Variants in MAP2 observed in about 807,000 individuals in gnomAD.
MAP2 encodes the protein microtubule associated protein 2.
In MAP2, 14 loss-of-function variants were observed where a neutral mutation model predicts 137.6. The observed-to-expected ratio is 0.10, with a 90% CI of 0.07 to 0.16. The LOEUF is 0.16. Ranked by LOEUF, MAP2 falls within the 10% of genes least tolerant of loss-of-function variation. MAP2 has a pLI of 1.00. For synonymous variants in MAP2, 786 were observed against 782.3 expected, an observed-to-expected ratio of 1.00 and a Z score of -0.08; for missense variants, 2,088 against 2,191.5, an observed-to-expected ratio of 0.95 and a Z score of 0.94.
At chr2:209,653,609 C>A (rs1357080273) in intron 5 of MAP2, among the ~76,000 whole-genome samples, 177 bp downstream of exon 5, 3 of 152,190 alleles carry the variant, frequency 2.0e-5, no homozygotes, top group Non-Finnish European at 4.4e-5. Context: ...GACATTTCCC[C>A]ACATTATCTG....
chr2:209,454,133 G>C (rs1700944186), intron 1 of MAP2, among the ~76,000 whole-genome samples: 2 of 106,560 alleles, frequency 1.9e-5, no homozygotes, highest in African/African-American at 7.3e-5. Flanking sequence ...CCGGGCAACA[G>C]AGCGAGACTC....
At chr2:209,460,339 A>C (rs942836481) in intron 1 of MAP2, among the ~76,000 whole-genome samples, 3 of 152,204 alleles carry the variant, frequency 2.0e-5, no homozygotes, top group African/African-American at 7.2e-5. Context: ...GAGGAAAACA[A>C]CATAGGTGGT....
At chr2:209,434,250 A>G (rs1695096849) in intron 1 of MAP2, among the ~76,000 whole-genome samples, 1 of 152,034 alleles carries the variant, frequency 6.6e-6, no homozygotes, top group Admixed American at 6.6e-5. Flanking sequence ...GATTTATTGT[A>G]CTTTCGGCAT....
chr2:209,610,487 G>A (rs894278602), intron 3 of MAP2, among the ~76,000 whole-genome samples: 1 of 151,882 alleles, frequency 6.6e-6, no homozygotes, highest in African/African-American at 2.4e-5. Flanking sequence ...GTTAAGAAAG[G>A]CGAAATTTGC....
chr2:209,553,735 C>G (rs533598162), intron 2 of MAP2, among the ~76,000 whole-genome samples: 36 of 152,248 alleles, frequency 2.4e-4, no homozygotes, highest in African/African-American at 7.9e-4. Flanking sequence ...TTGTCCTCAT[C>G]CCTAAGTGGC....
chr2:209,622,410 T>G (rs1485051064), intron 3 of MAP2, among the ~76,000 whole-genome samples: 1 of 152,190 alleles, frequency 6.6e-6, no homozygotes, highest in Admixed American at 6.5e-5. Context: ...CTTTCTAGCC[T>G]TGTGATGCTG....
chr2:209,560,126 G>A (rs906478065), intron 2 of MAP2, among the ~76,000 whole-genome samples: 1 of 152,170 alleles, frequency 6.6e-6, no homozygotes, highest in Non-Finnish European at 1.5e-5. Flanking sequence ...ATGAGTCCTT[G>A]TCTTCTGACT....
chr2:209,561,711 ACAAT>A (rs1393291790), intron 2 of MAP2, among the ~76,000 whole-genome samples: 3 of 152,216 alleles, frequency 2.0e-5, no homozygotes, highest in Non-Finnish European at 4.4e-5. Flanking sequence ...AAATTTTAAA[ACAAT>A]CCAATCAACA....
intron 5 of MAP2, 107 bp downstream of exon 5, chr2:209,653,539 G>C (rs967623017): frequency 1.7e-6 from 2 of 1,150,744 alleles, no homozygotes; most frequent in African/African-American, 3.1e-5. Context: ...CTAGTGCTAG[G>C]ACTGAAATTC....
intron 4 of MAP2, among the ~76,000 whole-genome samples, chr2:209,628,667 G>A (rs371557305): frequency 3.3e-5 from 5 of 152,130 alleles, no homozygotes; most frequent in Non-Finnish European, 1.5e-5. Flanking sequence ...ATGACTGCCT[G>A]TAATAGTCAA....
chr2:209,541,465 A>G lies in MAP2; in HGVS notation c.-172+33824A>G, dbSNP rs565347601. Among the ~76,000 whole-genome samples, 8 of 151,338 alleles carry G rather than the reference A, an allele frequency of 5.3e-5. 2 individuals are homozygous for G. Among genetic ancestry groups the G allele is most frequent in the African/African-American group, 1.5e-4 (6 of 40,622 alleles). ...GACTGTGGCAGTTTCTTAAAATAAG[A>G]TAACAATGAAGTTTACCACATTGGT... On this transcript the variant is annotated intron_variant, in intron 2 of 15. Transcript: ENST00000682079.
chr2:209,669,646 A>G (rs191090894), intron 5 of MAP2, among the ~76,000 whole-genome samples: 79 of 152,136 alleles, frequency 5.2e-4, no homozygotes, highest in African/African-American at 1.7e-3. Context: ...TTGCAGCTAT[A>G]GAAGCATTGA....
chr2:209,704,442 A>G lies in MAP2; in HGVS notation c.4585-1138A>G, dbSNP rs536220662. 76 of 1,591,956 alleles carry G rather than the reference A, an allele frequency of 4.8e-5. No individual in the cohort carries two copies. The East Asian group carries it at 1.6e-3, about 34-fold the overall frequency. On this transcript the variant is annotated intron_variant, in intron 11 of 15. Transcript: ENST00000682079. ...TTTGTGCTTTTGTTTGTTTTCTTTCATGGCTAGAATTCTACCTTGTCAAAG... is the reference window on the plus strand; with the variant it reads ...TTTGTGCTTTTGTTTGTTTTCTTTCGTGGCTAGAATTCTACCTTGTCAAAG...
chr2:209,679,322 C>CATAG (rs3036677), intron 6 of MAP2, among the ~76,000 whole-genome samples: 4,592 of 148,478 alleles, frequency 0.031, 82 homozygotes, highest in South Asian at 0.035. Flanking sequence ...TGCCCCTACT[C>CATAG]ATAGATAGAT....
chr2:209,693,262 T>C lies in MAP2; in HGVS notation c.1092T>C (p.Asp364=), dbSNP rs746572323. ...CCAGTGGCCCAGCTACTGCCAAAGA[T>C]AGTTTTAAAATTGAAGAGCCCCATG... is the stretch of plus-strand genomic sequence containing the variant. ...QQTSGPATAK[D]SFKIEEPHEA... The change falls in exon 8 of 16, where the codon GAT becomes GAC. Residue 364 remains aspartate (D), a synonymous_variant. Transcript: ENST00000682079. 1.2e-5 allele frequency: 20 copies of C among 1,613,856 alleles called. 1 individual carries two copies. The South Asian group carries it at 1.5e-4, about 12-fold the overall frequency.
chr2:209,656,880 A>G (rs2095182443), intron 5 of MAP2, among the ~76,000 whole-genome samples: 1 of 152,226 alleles, frequency 6.6e-6, no homozygotes, highest in South Asian at 2.1e-4. Flanking sequence ...TCACCTGAAT[A>G]GTGAACATTG....
chr2:209,585,624 C>A (rs902241157), intron 3 of MAP2, among the ~76,000 whole-genome samples: 10 of 152,072 alleles, frequency 6.6e-5, no homozygotes, highest in African/African-American at 2.4e-4. Context: ...GGATTTCTCA[C>A]AACATTTTGC....
At chr2:209,606,779 CTAAG>C (rs113943659) in intron 3 of MAP2, among the ~76,000 whole-genome samples, 58 of 152,208 alleles carry the variant, frequency 3.8e-4, no homozygotes, top group African/African-American at 1.3e-3. Context: ...CTGCTTGGAG[CTAAG>C]TAACTGCATA....
chr2:209,486,239 C>CT (rs11395434), intron 1 of MAP2, among the ~76,000 whole-genome samples: 75,378 of 150,348 alleles, frequency 0.5, 20,597 homozygotes, highest in Middle Eastern at 0.62. Context: ...GAAATCTTTT[C>CT]TTTTTTTTTA....
Sources: gnomAD v4.1 joint callset for allele counts (sites outside exome capture counted in the v4.1 genomes callset) on GRCh38, gnomAD v4.1.1 for gene constraint, MANE v1.5 for transcripts, NCBI Gene and HGNC (gene_info 2026-07-23, HGNC 2026-07-21) for gene names.